The following NTM variants were observed in gnomAD, a reference collection of about 807,000 sequenced individuals.
The protein encoded by NTM is IgLON family member 2.
In NTM, 13 loss-of-function variants were observed where a neutral mutation model predicts 42.1. The ratio of observed to expected loss-of-function variants is 0.31; its 90% CI spans 0.20 to 0.49. NTM has a LOEUF of 0.49. NTM is among the 20% of genes least tolerant of loss of function. The pLI is 0.99. For missense variants in NTM, 373 were observed against 452.8 expected, an observed-to-expected ratio of 0.82 and a Z score of 1.60; for synonymous variants, 187 against 179.2, an observed-to-expected ratio of 1.04 and a Z score of -0.35.
chr11:131,491,908 C>T (rs1275593172), intron 1 of NTM, among the ~76,000 whole-genome samples: 8 of 152,198 alleles, frequency 5.3e-5, no homozygotes, highest in African/African-American at 1.9e-4. Context: ...AATAACATAA[C>T]TCATTTTCCT....
At chr11:131,690,837 G>T (rs892727533) in intron 1 of NTM, among the ~76,000 whole-genome samples, 3 of 152,328 alleles carry the variant, frequency 2.0e-5, no homozygotes, top group South Asian at 4.1e-4. Context: ...GTGAAGACGG[G>T]GCTCAGAAGG....
chr11:131,886,204 G>A (rs975833044), intron 1 of NTM, among the ~76,000 whole-genome samples: 3 of 152,120 alleles, frequency 2.0e-5, no homozygotes, highest in Non-Finnish European at 4.4e-5. Flanking sequence ...ATGCTTTCTA[G>A]CCATCCTTCC....
intron 1 of NTM, among the ~76,000 whole-genome samples, chr11:131,458,414 G>A (rs145839287): frequency 1.1e-4 from 16 of 152,340 alleles, no homozygotes; most frequent in Non-Finnish European, 2.4e-4. Flanking sequence ...ACAGAGGAGA[G>A]TGGTCAAGAA....
At chr11:131,888,294 C>T (rs1592585503) in intron 1 of NTM, among the ~76,000 whole-genome samples, 2 of 151,970 alleles carry the variant, frequency 1.3e-5, no homozygotes, top group Non-Finnish European at 1.5e-5. Flanking sequence ...GAGTGAGACT[C>T]GATCTCAAAA....
intron 5 of NTM, 53 bp downstream of exon 5, chr11:132,307,876 TCACAGCCACCACCCAGAGCCCATTGG>T (rs1371112368): frequency 4.4e-6 from 7 of 1,573,192 alleles, no homozygotes; most frequent in Admixed American, 1.7e-5. Flanking sequence ...TGGCCTGTTG[TCACAGCCACCACCCAGAGCCCATTGG>T]CACAGCCAGC....
intron 2 of NTM, among the ~76,000 whole-genome samples, chr11:131,921,583 A>C (rs539379069): frequency 3.6e-4 from 55 of 152,274 alleles, no homozygotes; most frequent in Middle Eastern, 3.4e-3. Flanking sequence ...AGGATACTGG[A>C]ACATTTGCAT....
intron 2 of NTM, among the ~76,000 whole-genome samples, chr11:132,092,968 C>G (rs2060541007): frequency 6.6e-6 from 1 of 152,214 alleles, no homozygotes; most frequent in South Asian, 2.1e-4. Flanking sequence ...CTTCCCACCT[C>G]AGGCTGGCCC....
chr11:131,987,186 C>T (rs187167527), intron 2 of NTM, among the ~76,000 whole-genome samples: 4 of 152,264 alleles, frequency 2.6e-5, no homozygotes, highest in Admixed American at 2.6e-4. Flanking sequence ...GTGGTGGAAA[C>T]AGTATTCATC....
At chr11:132,313,749 A>T (rs1232589605) in intron 6 of NTM, among the ~76,000 whole-genome samples, 1 of 152,218 alleles carries the variant, frequency 6.6e-6, no homozygotes, top group East Asian at 1.9e-4. Flanking sequence ...CCATGGTTCT[A>T]ATAAGCATAC....
intron 1 of NTM, among the ~76,000 whole-genome samples, chr11:131,449,733 T>C (rs1478831572): frequency 6.6e-6 from 1 of 152,198 alleles, no homozygotes; most frequent in East Asian, 1.9e-4. Context: ...GCAGGTGTAC[T>C]AGCTGATCCT....
intron 1 of NTM, among the ~76,000 whole-genome samples, chr11:131,463,144 A>G (rs932756799): frequency 1.3e-5 from 2 of 152,152 alleles, no homozygotes; most frequent in African/African-American, 4.8e-5. Context: ...AAAGATTATA[A>G]AAAGGTTACA....
intron 4 of NTM, among the ~76,000 whole-genome samples, chr11:132,277,750 A>G (rs1003334702): frequency 2.0e-5 from 3 of 152,194 alleles, no homozygotes; most frequent in African/African-American, 7.2e-5. Context: ...CCAACAAATA[A>G]CAATAGTAAC....
intron 2 of NTM, among the ~76,000 whole-genome samples, chr11:132,132,622 C>T (rs547400845): frequency 4.1e-4 from 62 of 152,282 alleles, no homozygotes; most frequent in African/African-American, 1.4e-3. Context: ...CATGCTCCTG[C>T]GGAGTCCTTG....
intron 3 of NTM, among the ~76,000 whole-genome samples, chr11:132,147,253 G>A (rs984572438): frequency 4.7e-5 from 7 of 149,382 alleles, no homozygotes; most frequent in African/African-American, 1.7e-4. Flanking sequence ...ATGTGTGTTG[G>A]TTATGCTCTC....
chr11:132,002,341 T>C lies in NTM; in HGVS notation c.167+90693T>C, dbSNP rs1206773657. 6.6e-6 allele frequency among the ~76,000 whole-genome samples: 1 copy of C among 152,194 alleles called. No homozygotes were observed. Among genetic ancestry groups the C allele is most frequent in the Non-Finnish European group, 1.5e-5 (1 of 68,032 alleles). On this transcript the variant is annotated intron_variant, in intron 2 of 8. Transcript: ENST00000683400. The surrounding 1 kb of genome is among the most constrained non-coding windows in gnomAD (Gnocchi z 4.5). ...GGAACATTAATATGCTGGTGTATCATATATTTTAATAAGAATTCAGAAATG... is the reference window on the plus strand; with the variant it reads ...GGAACATTAATATGCTGGTGTATCACATATTTTAATAAGAATTCAGAAATG...
At chr11:132,194,170 A>T (rs1223283989) in intron 3 of NTM, among the ~76,000 whole-genome samples, 1 of 151,776 alleles carries the variant, frequency 6.6e-6, no homozygotes, top group Non-Finnish European at 1.5e-5. Flanking sequence ...CAACAACAAC[A>T]AATCTTCAGG....
chr11:132,147,153 T>C (rs534297512), intron 3 of NTM, among the ~76,000 whole-genome samples: 3 of 150,264 alleles, frequency 2.0e-5, no homozygotes, highest in East Asian at 3.9e-4. Flanking sequence ...CCCTGACTCC[T>C]AGTTCATGAG....
intron 3 of NTM, among the ~76,000 whole-genome samples, chr11:132,156,725 T>C (rs2073267686): frequency 6.6e-6 from 1 of 152,220 alleles, no homozygotes; most frequent in South Asian, 2.1e-4. Context: ...GGCTGAATAA[T>C]GTCCAAACAA....
intron 2 of NTM, among the ~76,000 whole-genome samples, chr11:132,134,747 A>ATATATC (rs2067515955): frequency 1.7e-4 from 15 of 89,662 alleles, no homozygotes; most frequent in African/African-American, 7.7e-4. Context: ...ATATATATAT[A>ATATATC]TATATATATA....
Sources: allele counts gnomAD v4.1 joint callset (sites outside exome capture counted in the v4.1 genomes callset), GRCh38; gene constraint gnomAD v4.1.1; non-coding constraint Gnocchi (gnomAD v3.1); transcripts MANE v1.5; gene names NCBI Gene and HGNC (gene_info 2026-07-23, HGNC 2026-07-21).